The following PLEKHH2 variants were observed in gnomAD, a reference collection of about 807,000 sequenced individuals.
PLEKHH2 encodes the protein pleckstrin homology, MyTH4 and FERM domain containing H2, also known as pleckstrin homology domain-containing family H member 2.
PLEKHH2 carries 129 observed loss-of-function variants against 187.9 expected under a neutral mutation model. The ratio of observed to expected loss-of-function variants is 0.69; its 90% confidence interval spans 0.59 to 0.79. The LOEUF (loss-of-function observed/expected upper bound fraction) is 0.79. PLEKHH2 is among the 30% of genes least tolerant of loss of function. PLEKHH2 has a pLI of 0.00. For missense variants in PLEKHH2, 2,076 were observed against 1,751.2 expected, an observed-to-expected ratio of 1.19 and a Z score of -3.31; for synonymous variants, 686 against 605.6, an observed-to-expected ratio of 1.13 and a Z score of -1.95.
chr2:43,762,977 C>G (rs1672485479), intron 28 of PLEKHH2, among the ~76,000 whole-genome samples: 1 of 152,066 alleles, frequency 6.6e-6, no homozygotes, highest in South Asian at 2.1e-4. Flanking sequence ...TTACTAAATT[C>G]ACCTGGCAGG....
chr2:43,749,638 T>G (rs559514643), intron 24 of PLEKHH2, among the ~76,000 whole-genome samples: 19 of 152,238 alleles, frequency 1.2e-4, no homozygotes, highest in Non-Finnish European at 2.5e-4. Flanking sequence ...CTGAAAGGCT[T>G]GATTTTTAAC....
rs371153791 is a variant in PLEKHH2, at chr2:43,699,644, T to C, written c.689-3T>C. On this transcript the variant is annotated splice_region_variant and splice_polypyrimidine_tract_variant and intron_variant, in intron 7 of 29. Coordinates refer to ENST00000282406, the MANE Select transcript of PLEKHH2 (RefSeq NM_172069.4). Reference sequence around the variant, plus strand: ...CATGCTGATATGATGTATCCTTTTCTAGAAATGGAAATTCCAGAAAAGTCT... The same window carrying C: ...CATGCTGATATGATGTATCCTTTTCCAGAAATGGAAATTCCAGAAAAGTCT... 124 of 1,609,498 alleles carry C rather than the reference T, an allele frequency of 7.7e-5. No individual in the cohort carries two copies. The highest frequency in any genetic ancestry group is 4.2e-4 in the Admixed American group (25 of 59,158).
At chr2:43,678,426 C>T (rs562369743) in intron 2 of PLEKHH2, among the ~76,000 whole-genome samples, 78 of 152,318 alleles carry the variant, frequency 5.1e-4, no homozygotes, top group African/African-American at 1.8e-3. Context: ...CACCATTGAG[C>T]ACTGAGTGAA....
At chr2:43,679,494 CTTTT>C (rs70965314) in intron 3 of PLEKHH2, 9,395 of 252,576 alleles carry the variant, frequency 0.037, 304 homozygotes, top group African/African-American at 0.15. Flanking sequence ...GATTTTTTCC[CTTTT>C]TTTTTTTTTT....
chr2:43,753,691 T>C lies in PLEKHH2; in HGVS notation c.3726T>C (p.Asp1242=), dbSNP rs774124508. ...EKLLLMYQTN[D]QIINGLFPLN... ...TGCTGTTAATGTATCAGACAAATGA[T>C]CAAATCATAAATGGACTTTTTCCTC... The change falls in exon 25 of 30, where the codon GAT becomes GAC. Residue 1242 remains aspartate, a synonymous_variant. Transcript: ENST00000282406. 6.3e-7 allele frequency: 1 copy of C among 1,586,804 alleles called. No homozygotes were observed. Among genetic ancestry groups the C allele is most frequent in the Non-Finnish European group, 8.5e-7 (1 of 1,169,824 alleles).
intron 27 of PLEKHH2, among the ~76,000 whole-genome samples, chr2:43,759,651 G>T (rs555523640): frequency 6.6e-6 from 1 of 152,224 alleles, no homozygotes; most frequent in African/African-American, 2.4e-5. Flanking sequence ...AGGCTCTTAA[G>T]ATACATCTTG....
intron 8 of PLEKHH2, among the ~76,000 whole-genome samples, chr2:43,701,560 G>A (rs912495212): frequency 6.6e-6 from 1 of 152,176 alleles, no homozygotes; most frequent in Middle Eastern, 3.4e-3. Flanking sequence ...GAACTTAGTC[G>A]TTATTTGATT....
chr2:43,729,580 T>C (rs1670937513), intron 17 of PLEKHH2, 57 bp from the exon 18 acceptor site: 1 of 1,255,114 alleles, frequency 8.0e-7, no homozygotes, highest in Admixed American at 2.7e-5. Flanking sequence ...CAAGTTGTTT[T>C]TTTTTCTTTA....
intron 2 of PLEKHH2, among the ~76,000 whole-genome samples, chr2:43,647,182 C>A (rs148218058): frequency 1.3e-3 from 194 of 152,236 alleles, no homozygotes; most frequent in African/African-American, 4.3e-3. Flanking sequence ...TTATTGTGCT[C>A]ATTTTATAGA....
chr2:43,704,662 TAAAAAAAAAAA>T (rs70965318), intron 9 of PLEKHH2, among the ~76,000 whole-genome samples: 2 of 84,292 alleles, frequency 2.4e-5, no homozygotes, highest in African/African-American at 4.6e-5. Flanking sequence ...GATTCTGTCT[TAAAAAAAAAAA>T]AAAAAAAAAA....
At position 43,683,786 on chromosome 2, in the gene PLEKHH2, T is replaced by C. The variant is rs543283395; in HGVS notation, c.186+4861T>C. ...TGTCTAGTTATCTCTCTCTCTCTCT[T>C]TTTTTTTTGGTGATATTAGCAGCCA... On this transcript the variant is annotated intron_variant, in intron 3 of 29. Transcript: ENST00000282406. Among the ~76,000 whole-genome samples, 4 of 150,808 alleles carry C rather than the reference T, an allele frequency of 2.7e-5. No individual in the cohort carries two copies. In the East Asian group the frequency reaches 5.8e-4, roughly 22 times the overall value.
chr2:43,739,992 A>G (rs1482090390), intron 20 of PLEKHH2, among the ~76,000 whole-genome samples: 1 of 152,236 alleles, frequency 6.6e-6, no homozygotes, highest in African/African-American at 2.4e-5. Flanking sequence ...CTGTTTAAAT[A>G]TATAACTGTC....
chr2:43,728,260 C>T (rs1013110243), intron 17 of PLEKHH2, among the ~76,000 whole-genome samples: 2 of 151,830 alleles, frequency 1.3e-5, no homozygotes, highest in Non-Finnish European at 2.9e-5. Flanking sequence ...AGGTGGATCA[C>T]CTGAGGTCAG....
intron 14 of PLEKHH2, chr2:43,711,752 G>T (rs548984019): frequency 1.8e-5 from 7 of 390,684 alleles, no homozygotes; most frequent in African/African-American, 2.2e-5. Flanking sequence ...AATTATCCGG[G>T]CATGGTGGCA....
chr2:43,679,714 T>C (rs1668070220), intron 3 of PLEKHH2: 4 of 168,786 alleles, frequency 2.4e-5, no homozygotes, highest in South Asian at 2.5e-4. Context: ...GGCCTCAAAC[T>C]CCTGACCTCA....
In PLEKHH2 at chr2:43,758,942, G is replaced by C; in HGVS notation, c.3984G>C (p.Arg1328=). The part of the protein sequence containing the change: ...QRLSTRWMAL[R]GHSAADCVRI... ...TTTCAACCAGATGGATGGCCCTCCGGGGACACAGTGCTGCTGACTGTGTGC... is the reference window on the plus strand; with the variant it reads ...TTTCAACCAGATGGATGGCCCTCCGCGGACACAGTGCTGCTGACTGTGTGC... The change falls in exon 27 of 30, where the codon CGG becomes CGC. Residue 1328 remains arginine (R), a synonymous_variant. Transcript: ENST00000282406. 1 of 1,604,816 alleles carries C rather than the reference G, an allele frequency of 6.2e-7. No homozygotes were observed. The highest frequency in any genetic ancestry group is 8.5e-7 in the Non-Finnish European group (1 of 1,172,668).
Position 43,720,582 on chromosome 2 carries a change from A to G in PLEKHH2, c.2461-87A>G, listed in dbSNP as rs979004127. The G allele has an allele frequency of 1.9e-5, 29 of 1,562,204 alleles. No homozygotes were observed. In the Admixed American group the frequency reaches 2.6e-4, roughly 14 times the overall value. Reference sequence around the variant, plus strand: ...TTATATCTGGGCAAACTGGATGCCTATAGAAACTCAAATAGGGTGTATAAG... The same window carrying G: ...TTATATCTGGGCAAACTGGATGCCTGTAGAAACTCAAATAGGGTGTATAAG... On this transcript the variant is annotated intron_variant, in intron 15 of 29. Transcript: ENST00000282406.
chr2:43,723,506 G>A (rs1292421409), intron 16 of PLEKHH2, among the ~76,000 whole-genome samples: 3 of 151,950 alleles, frequency 2.0e-5, no homozygotes, highest in Non-Finnish European at 2.9e-5. Flanking sequence ...TTTAACAAGG[G>A]TTGTTTGTAT....
At chr2:43,727,176 G>A (rs1330347063) in intron 17 of PLEKHH2, among the ~76,000 whole-genome samples, 1 of 152,172 alleles carries the variant, frequency 6.6e-6, no homozygotes, top group African/African-American at 2.4e-5. Flanking sequence ...CACTTCGGGA[G>A]GCCGAGGCGG....
Sources: allele counts gnomAD v4.1 joint callset (sites outside exome capture counted in the v4.1 genomes callset), GRCh38; gene constraint gnomAD v4.1.1; transcripts MANE v1.5; gene names NCBI Gene and HGNC (gene_info 2026-07-23, HGNC 2026-07-21).